Variants in SMARCC2 observed in about 807,000 individuals in gnomAD.
SMARCC2 encodes SWI/SNF complex subunit SMARCC2.
A neutral mutation model predicts 151.3 loss-of-function variants in SMARCC2; 15 were observed. That is an observed-to-expected ratio of 0.10 (90% CI 0.07 to 0.15). The LOEUF (loss-of-function observed/expected upper bound fraction) is 0.15, where lower values mean the gene tolerates loss of function less well. SMARCC2 is among the 10% of genes least tolerant of loss of function. The probability of loss-of-function intolerance (pLI) is 1.00; values close to 1 mark genes in which losing one functional copy is unlikely to be tolerated. For synonymous variants in SMARCC2, 590 were observed against 609.5 expected, an observed-to-expected ratio of 0.97 and a Z score of 0.47; for missense variants, 1,031 against 1,599.7, an observed-to-expected ratio of 0.64 and a Z score of 6.06.
At position 56,189,342 on chromosome 12, in the gene SMARCC2, C is replaced by T. The variant is rs1168162771; in HGVS notation, c.111+9G>A. On this transcript the variant is annotated intron_variant, in intron 1 of 28. Coordinates refer to ENST00000550164, the MANE Select transcript of SMARCC2 (RefSeq NM_001330288.2). ...CCGGTCCCCGCGCGGCCCGGCCCGG[C>T]CCGCGTACCTTCTTGTAGTTCTTGC... The T allele has an allele frequency of 2.0e-6, 3 of 1,488,186 alleles. No individual in the cohort carries two copies. Among genetic ancestry groups the T allele is most frequent in the Non-Finnish European group, 2.7e-6 (3 of 1,103,364 alleles). The allele number at this position is 1,488,186 out of a possible 1,614,324, so 92.2% of individuals were successfully genotyped here.
chr12:56,170,584 C>G (rs1368699063), intron 22 of SMARCC2, among the ~76,000 whole-genome samples: 1 of 151,960 alleles, frequency 6.6e-6, no homozygotes, highest in Non-Finnish European at 1.5e-5. Context: ...TGCCACCATG[C>G]CTGGCTAACT....
At position 56,184,859 on chromosome 12, in the gene SMARCC2, A is replaced by G; in HGVS notation, c.477T>C (p.Ile159=). 6.2e-7 allele frequency: 1 copy of G among 1,606,168 alleles called. No homozygotes were observed. Residue 159 remains isoleucine (I), a synonymous_variant, in exon 5 of 29, where the codon ATT becomes ATC. Transcript: ENST00000550164. ...GACCATTTACCTGGTGTCTCTTGATAATGTCCTTTAATTTCCCTAGTAGTT... is the reference window on the plus strand; with the variant it reads ...GACCATTTACCTGGTGTCTCTTGATGATGTCCTTTAATTTCCCTAGTAGTT... ...EPKLLGKLKD[I]IKRHQGTVTE...
At position 56,167,957 on chromosome 12, in the gene SMARCC2, C is replaced by CAA; in HGVS notation, c.2850+102_2850+103insTT. On this transcript the variant is annotated intron_variant, in intron 26 of 28. Transcript: ENST00000550164. ...CTTATCTCTCTTTCACTGAAACACA[C>CAA]ACACACACACACACACACACACACA... 8.5e-6 allele frequency: 4 copies of CAA among 469,078 alleles called. No homozygotes were observed. The South Asian group carries it at 1.4e-4, about 16-fold the overall frequency. 29.1% of individuals were successfully genotyped at this position (469,078 alleles called of 1,614,324 possible). A position where few individuals can be genotyped will look rare whatever the true frequency, so the allele number is the denominator to read the frequency against.
intron 27 of SMARCC2, 63 bp downstream of exon 27, chr12:56,165,252 TGAG>T: frequency 8.3e-6 from 12 of 1,437,956 alleles, no homozygotes; most frequent in South Asian, 1.7e-5. Context: ...GTATCCCCTT[TGAG>T]GAGAACTGGG....
At chr12:56,165,829 G>C (rs1373041525) in intron 26 of SMARCC2, 130 bp from the exon 27 acceptor site, 8 of 886,594 alleles carry the variant, frequency 9.0e-6, no homozygotes, top group Non-Finnish European at 1.4e-5. Context: ...TCTACATCTT[G>C]TGCTTGTGCT....
intron 26 of SMARCC2, among the ~76,000 whole-genome samples, chr12:56,167,491 CTG>C (rs1565895314): frequency 6.6e-6 from 1 of 152,226 alleles, no homozygotes; most frequent in Non-Finnish European, 1.5e-5. Flanking sequence ...ATGTGGGCCA[CTG>C]TGCCCAGTCC....
intron 11 of SMARCC2, among the ~76,000 whole-genome samples, chr12:56,179,887 G>A (rs183377495): frequency 1.3e-4 from 19 of 151,994 alleles, no homozygotes; most frequent in East Asian, 3.9e-4. Flanking sequence ...GGGTTTCACC[G>A]TGTTAGCCAG....
intron 11 of SMARCC2, among the ~76,000 whole-genome samples, chr12:56,180,594 G>A (rs1876005108): frequency 6.7e-6 from 1 of 150,024 alleles, no homozygotes; most frequent in Admixed American, 6.7e-5. Flanking sequence ...AGTAGAGATG[G>A]GGTTTCACCA....
chr12:56,170,422 T>A (rs2135675936), intron 22 of SMARCC2, among the ~76,000 whole-genome samples: 1 of 151,892 alleles, frequency 6.6e-6, no homozygotes. Flanking sequence ...ACACCTGTTT[T>A]TTTTTGTTTT....
chr12:56,186,246 A>C lies in SMARCC2; in HGVS notation c.232-6T>G, dbSNP rs1317240404. On this transcript the variant is annotated splice_region_variant and splice_polypyrimidine_tract_variant and intron_variant, in intron 2 of 28. Coordinates refer to ENST00000550164, the MANE Select transcript of SMARCC2 (RefSeq NM_001330288.2). ...AAATCTAGGAAACATTTGATCTACA[A>C]AATCAAGATACGGAAAAAGCATGTC... is the stretch of plus-strand genomic sequence containing the variant. 6.3e-7 allele frequency: 1 copy of C among 1,579,850 alleles called. No individual in the cohort carries two copies. Among genetic ancestry groups the C allele is most frequent in the Non-Finnish European group, 8.7e-7 (1 of 1,148,838 alleles).
chr12:56,178,169 A>G (rs948633190), intron 14 of SMARCC2, 76 bp from the exon 15 acceptor site: 5 of 1,188,336 alleles, frequency 4.2e-6, no homozygotes, highest in South Asian at 1.4e-5. Context: ...GGAAAAGCCT[A>G]GAAGGCAAAG....
chr12:56,180,122 T>A (rs566825609), intron 11 of SMARCC2, among the ~76,000 whole-genome samples: 2 of 152,094 alleles, frequency 1.3e-5, no homozygotes, highest in South Asian at 4.2e-4. Flanking sequence ...TCTTTTTTTT[T>A]ATTTGAGATG....
At position 56,172,886 on chromosome 12, in the gene SMARCC2, C is replaced by A. The variant is rs557987058; in HGVS notation, c.1743+51G>T. ...TGTCTCTTCTTCCCGGGCAGGGGCC[C>A]CCCAATAAAGGGGAAAATGAGCAGC... On this transcript the variant is annotated intron_variant, in intron 18 of 28. Transcript: ENST00000550164. 12 of 1,599,800 alleles carry A rather than the reference C, an allele frequency of 7.5e-6. No homozygotes were observed. In the Admixed American group the frequency reaches 1.7e-4, roughly 22 times the overall value.
chr12:56,176,437 C>A (rs1319561882), intron 15 of SMARCC2, among the ~76,000 whole-genome samples: 1 of 152,182 alleles, frequency 6.6e-6, no homozygotes, highest in African/African-American at 2.4e-5. Context: ...AAGAAGACTG[C>A]CATGTCTTAT....
chr12:56,173,572 A>G (rs1874362265), intron 17 of SMARCC2, 124 bp downstream of exon 17: 2 of 850,802 alleles, frequency 2.4e-6, no homozygotes, highest in Non-Finnish European at 3.7e-6. Flanking sequence ...GACCCTTTGC[A>G]TCCCATGGAA....
intron 20 of SMARCC2, chr12:56,172,140 G>A: frequency 1.7e-6 from 1 of 577,314 alleles, no homozygotes; most frequent in Non-Finnish European, 3.0e-6. Context: ...CCAGCCTGGA[G>A]CTGGTCCTGA....
intron 28 of SMARCC2, among the ~76,000 whole-genome samples, 198 bp downstream of exon 28, chr12:56,164,105 C>T (rs1350256917): frequency 1.3e-5 from 2 of 152,196 alleles, no homozygotes; most frequent in East Asian, 3.9e-4. Context: ...CAACATCATC[C>T]CAAAGGTGGC....
rs1458911372 is a variant in SMARCC2, at chr12:56,169,511, T to C, written c.2715+18A>G. On this transcript the variant is annotated intron_variant, in intron 25 of 28. Coordinates refer to ENST00000550164, the MANE Select transcript of SMARCC2 (RefSeq NM_001330288.2). ...AGTGGACATTTTCTTCCCTGAGGTC[T>C]TCAAGGTCTGGCCTCACCTTAGCTT... 1 of 1,612,430 alleles carries C rather than the reference T, an allele frequency of 6.2e-7. No individual in the cohort carries two copies. Among genetic ancestry groups the C allele is most frequent in the Admixed American group, 1.7e-5 (1 of 59,920 alleles).
In SMARCC2 at chr12:56,189,434, G is replaced by C. The variant is rs867806321; in HGVS notation, c.28C>G (p.Pro10Ala). The change falls in exon 1 of 29, where the codon CCC becomes GCC. Residue 10 changes from proline to alanine, a missense_variant. Pro to Ala is a conservative substitution (Grantham distance 27). Coordinates refer to ENST00000550164, the MANE Select transcript of SMARCC2 (RefSeq NM_001330288.2). ...GCGGCCTCGTAGTACTTCACGTTGG[G>C]GCCGCCGTCCTTCTTCCGCACCGCC... is the stretch of plus-strand genomic sequence containing the variant. MAVRKKDGG[P>A]NVKYYEAADT... 1.3e-6 allele frequency: 2 copies of C among 1,509,076 alleles called. No individual in the cohort carries two copies. The highest frequency in any genetic ancestry group is 1.8e-6 in the Non-Finnish European group (2 of 1,120,898). 93.5% of individuals were successfully genotyped at this position (1,509,076 alleles called of 1,614,324 possible). A position where few individuals can be genotyped will look rare whatever the true frequency, so the allele number is the denominator to read the frequency against.
Sources: allele counts gnomAD v4.1 joint callset (sites outside exome capture counted in the v4.1 genomes callset), GRCh38; gene constraint gnomAD v4.1.1; transcripts MANE v1.5; gene names NCBI Gene and HGNC (gene_info 2026-07-23, HGNC 2026-07-21).